DNAL1: variants seen among roughly 807,000 people sequenced by gnomAD.
DNAL1 encodes dynein axonemal light chain 1, also known as chromosome 14 open reading frame 168.
DNAL1 carries 17 observed loss-of-function variants against 29.4 expected under a neutral mutation model. The ratio of observed to expected loss-of-function variants is 0.58; its 90% CI spans 0.40 to 0.87. The LOEUF (loss-of-function observed/expected upper bound fraction) is 0.87. Ranked by LOEUF, DNAL1 falls within the 40% of genes least tolerant of loss-of-function variation. The pLI, the probability that DNAL1 is intolerant of heterozygous loss-of-function variation, is 0.00. For synonymous variants in DNAL1, 78 were observed against 76.3 expected, an observed-to-expected ratio of 1.02 and a Z score of -0.12; for missense variants, 188 against 214.1, an observed-to-expected ratio of 0.88 and a Z score of 0.76.
At chr14:73,666,807 TTTCTC>T (rs1489730519) in intron 4 of DNAL1, among the ~76,000 whole-genome samples, 1 of 152,080 alleles carries the variant, frequency 6.6e-6, no homozygotes. Context: ...ATACGGATGA[TTTCTC>T]TTCCCTCTTT....
At chr14:73,653,841 A>C (rs1891156906) in intron 1 of DNAL1, among the ~76,000 whole-genome samples, 1 of 152,210 alleles carries the variant, frequency 6.6e-6, no homozygotes, top group Non-Finnish European at 1.5e-5. Flanking sequence ...GGGTACCTTT[A>C]GAGTTTTAAA....
At chr14:73,650,527 A>T (rs745503654) in intron 1 of DNAL1, among the ~76,000 whole-genome samples, 5 of 152,216 alleles carry the variant, frequency 3.3e-5, no homozygotes, top group African/African-American at 4.8e-5. Context: ...TGCTTGGTAG[A>T]TAATAGACAA....
intron 2 of DNAL1, among the ~76,000 whole-genome samples, chr14:73,655,876 T>G: frequency 6.6e-6 from 1 of 152,184 alleles, no homozygotes; most frequent in East Asian, 1.9e-4. Context: ...AAGACATGCA[T>G]TATATATAAA....
In DNAL1 at chr14:73,697,601, G is replaced by A. The variant is rs1244122306; in HGVS notation, c.*1659G>A. 1 of 152,072 alleles carries A rather than the reference G, an allele frequency of 6.6e-6. No homozygotes were observed. The highest frequency in any genetic ancestry group is 2.1e-4 in the South Asian group (1 of 4,822). 9.4% of individuals were successfully genotyped at this position (152,072 alleles called of 1,614,324 possible). A position where few individuals can be genotyped will look rare whatever the true frequency, so the allele number is the denominator to read the frequency against. On this transcript the variant is annotated 3_prime_UTR_variant, in exon 8 of 8. Transcript: ENST00000553645. ...CTACTAAAAATACAAAAATTAGCCA[G>A]TCCTGGTGGTGGGCGCCTGTAGTCC...
Position 73,671,555 on chromosome 14 carries a change from ATTATC to A in DNAL1, c.225_229del (p.Leu75PhefsTer30), listed in dbSNP as rs770883873. On this transcript the variant is annotated frameshift_variant, in exon 5 of 8. Coordinates refer to ENST00000553645, the MANE Select transcript of DNAL1 (RefSeq NM_031427.4). LOFTEE classifies it high-confidence loss of function. Reference sequence around the variant, plus strand: ...TTTTCACTACAGAAAACTTGAGGATATTATCTTTAGGAAGAAACAACATAAAGAAC... The same window carrying A: ...TTTTCACTACAGAAAACTTGAGGATATTTAGGAAGAAACAACATAAAGAAC... 6.7e-7 allele frequency: 1 copy of A among 1,492,868 alleles called. No homozygotes were observed. The highest frequency in any genetic ancestry group is 9.0e-7 in the Non-Finnish European group (1 of 1,115,886). The allele number at this position is 1,492,868 out of a possible 1,614,324, so 92.5% of individuals were successfully genotyped here. A position where few individuals can be genotyped will look rare whatever the true frequency, so the allele number is the denominator to read the frequency against.
intron 4 of DNAL1, among the ~76,000 whole-genome samples, chr14:73,665,069 A>T (rs1038913128): frequency 6.6e-6 from 1 of 152,162 alleles, no homozygotes; most frequent in African/African-American, 2.4e-5. Flanking sequence ...TGCCTGGTGC[A>T]TATAAAATGC....
intron 5 of DNAL1, among the ~76,000 whole-genome samples, chr14:73,682,869 A>ATTT (rs57815202): frequency 2.1e-4 from 21 of 101,810 alleles, no homozygotes; most frequent in African/African-American, 5.0e-4. Context: ...TTTTATAGTT[A>ATTT]TTTTTTTTTT....
intron 1 of DNAL1, among the ~76,000 whole-genome samples, chr14:73,652,002 TTCTC>T (rs926997333): frequency 6.6e-6 from 1 of 152,008 alleles, no homozygotes; most frequent in African/African-American, 2.4e-5. Context: ...TTTCTCTGTA[TTCTC>T]TCTCTTTTTC....
intron 4 of DNAL1, among the ~76,000 whole-genome samples, chr14:73,662,955 C>G (rs908252670): frequency 6.6e-6 from 1 of 151,930 alleles, no homozygotes; most frequent in Non-Finnish European, 1.5e-5. Context: ...CCTGTTAACT[C>G]TACTCTTTGA....
intron 2 of DNAL1, among the ~76,000 whole-genome samples, chr14:73,658,312 A>C (rs2140030420): frequency 6.6e-6 from 1 of 152,274 alleles, no homozygotes; most frequent in Non-Finnish European, 1.5e-5. Context: ...TTCGCCTTAT[A>C]ATATATCTTG....
intron 5 of DNAL1, among the ~76,000 whole-genome samples, chr14:73,674,530 C>T (rs1449445533): frequency 1.3e-5 from 2 of 152,086 alleles, no homozygotes; most frequent in Admixed American, 6.6e-5. Flanking sequence ...ATATCTAAAG[C>T]AGCTCTCTAA....
At chr14:73,692,690 T>C (rs940410764) in intron 7 of DNAL1, among the ~76,000 whole-genome samples, 1 of 151,926 alleles carries the variant, frequency 6.6e-6, no homozygotes, top group Non-Finnish European at 1.5e-5. Flanking sequence ...TTTTGGACCA[T>C]GTATTGACTT....
intron 5 of DNAL1, among the ~76,000 whole-genome samples, chr14:73,676,133 C>T (rs541484652): frequency 6.6e-6 from 1 of 151,222 alleles, no homozygotes; most frequent in South Asian, 2.1e-4. Context: ...ACTAGGGAGG[C>T]TGAGGCACAA....
At chr14:73,646,508 T>TCCCAGAGGCCTGTAAA (rs1890980102) in intron 1 of DNAL1, among the ~76,000 whole-genome samples, 1 of 152,102 alleles carries the variant, frequency 6.6e-6, no homozygotes, top group South Asian at 2.1e-4. Flanking sequence ...AGGCCTGTAA[T>TCCCAGAGGCCTGTAAA]CCCAGCACTT....
intron 1 of DNAL1, among the ~76,000 whole-genome samples, chr14:73,649,172 C>G (rs1459266921): frequency 6.6e-6 from 1 of 151,812 alleles, no homozygotes; most frequent in East Asian, 1.9e-4. Flanking sequence ...ACGGGGGTCT[C>G]CCCATGTTGA....
chr14:73,657,079 C>T (rs768362019), intron 2 of DNAL1, among the ~76,000 whole-genome samples: 21 of 150,962 alleles, frequency 1.4e-4, no homozygotes, highest in Admixed American at 6.6e-4. Context: ...CCATTGTGCC[C>T]GGCCTATTTT....
chr14:73,656,007 T>C (rs1312555574), intron 2 of DNAL1, among the ~76,000 whole-genome samples: 1 of 152,228 alleles, frequency 6.6e-6, no homozygotes, highest in Non-Finnish European at 1.5e-5. Context: ...TAAACTTATT[T>C]GTCTATGTTG....
intron 7 of DNAL1, among the ~76,000 whole-genome samples, chr14:73,694,003 A>G (rs1892236115): frequency 6.6e-6 from 1 of 152,090 alleles, no homozygotes; most frequent in Non-Finnish European, 1.5e-5. Flanking sequence ...TCACTGCCGT[A>G]AAGAACATGT....
chr14:73,690,051 AG>A (rs11312662), intron 7 of DNAL1, among the ~76,000 whole-genome samples: 73,518 of 111,820 alleles, frequency 0.66, 21,501 homozygotes, highest in East Asian at 0.85. Flanking sequence ...AAAAAAAAAA[AG>A]AAAAGAAAAG....
Sources: gnomAD v4.1 joint callset for allele counts (sites outside exome capture counted in the v4.1 genomes callset) on GRCh38, gnomAD v4.1.1 for gene constraint, MANE v1.5 for transcripts, NCBI Gene and HGNC (gene_info 2026-07-23, HGNC 2026-07-21) for gene names.